The following SMIM35 variants were observed in gnomAD, a reference collection of about 807,000 sequenced individuals.
The protein encoded by SMIM35 is small integral membrane protein 35.
intron 1 of SMIM35, among the ~76,000 whole-genome samples, chr11:118,016,855 C>A (rs923367142): frequency 1.3e-5 from 2 of 152,160 alleles, no homozygotes; most frequent in African/African-American, 2.4e-5. Flanking sequence ...TAAATTATAT[C>A]ATTATTGTTG....
intron 1 of SMIM35, chr11:118,028,858 A>G (rs678202): frequency 0.12 from 55,741 of 449,322 alleles, 3,675 homozygotes; most frequent in Admixed American, 0.16. Context: ...AGGAGGAGGA[A>G]GAAGAAGAAA....
chr11:118,008,627 A>G (rs962021199), intron 4 of SMIM35, among the ~76,000 whole-genome samples: 2 of 152,240 alleles, frequency 1.3e-5, no homozygotes, highest in African/African-American at 4.8e-5. Flanking sequence ...CATGAGCACA[A>G]GGTTGAATGT....
chr11:118,079,700 G>A (rs567332760), intron 1 of SMIM35, among the ~76,000 whole-genome samples: 5 of 152,026 alleles, frequency 3.3e-5, no homozygotes, highest in Middle Eastern at 3.4e-3. Flanking sequence ...CCTGTTTTCC[G>A]TGCCAGCCTG....
At chr11:118,012,796 T>C (rs1252927790) in intron 4 of SMIM35, among the ~76,000 whole-genome samples, 2 of 152,178 alleles carry the variant, frequency 1.3e-5, no homozygotes, top group Non-Finnish European at 2.9e-5. Flanking sequence ...GTGGGAATGT[T>C]AAAACCATGT....
At position 118,075,330 on chromosome 11, in the gene SMIM35, T is replaced by C. The variant is rs1440744038; in HGVS notation, c.7+11421A>G. On this transcript the variant is annotated intron_variant, in intron 1 of 4. Transcript: ENST00000689828. ...CAGAGCCCTGCAGGCCAGCTTCAGA[T>C]CTCTGCTGCTCAGAGACAAGTCCAA... 2.0e-5 allele frequency among the ~76,000 whole-genome samples: 3 copies of C among 152,228 alleles called. No individual in the cohort carries two copies. In the East Asian group the frequency reaches 5.8e-4, roughly 29 times the overall value.
chr11:118,058,140 T>C (rs1259628143), intron 1 of SMIM35, among the ~76,000 whole-genome samples: 1 of 152,166 alleles, frequency 6.6e-6, no homozygotes, highest in Non-Finnish European at 1.5e-5. Flanking sequence ...TTTAAAAATT[T>C]GTCTCAGGTC....
intron 1 of SMIM35, among the ~76,000 whole-genome samples, chr11:118,083,887 A>G (rs1296180380): frequency 6.6e-6 from 1 of 152,088 alleles, no homozygotes; most frequent in Non-Finnish European, 1.5e-5. Context: ...AGTACAAAAA[A>G]TTAGCTGGGC....
At chr11:118,066,677 A>C (rs191246005) in intron 1 of SMIM35, among the ~76,000 whole-genome samples, 2 of 152,226 alleles carry the variant, frequency 1.3e-5, no homozygotes, top group East Asian at 3.9e-4. Context: ...ACTATACTTC[A>C]AATTATCTTA....
intron 4 of SMIM35, 128 bp downstream of exon 4, chr11:118,013,620 C>T: frequency 2.6e-6 from 1 of 390,524 alleles, no homozygotes. Flanking sequence ...CACCAGAAGA[C>T]AGGGGATGAA....
intron 1 of SMIM35, among the ~76,000 whole-genome samples, chr11:118,054,013 A>G (rs1163778520): frequency 6.6e-6 from 1 of 152,018 alleles, no homozygotes; most frequent in Non-Finnish European, 1.5e-5. Context: ...CTTTTTCACT[A>G]TTTTAAATTT....
intron 1 of SMIM35, among the ~76,000 whole-genome samples, chr11:118,016,977 G>A (rs1368124694): frequency 6.6e-6 from 1 of 152,108 alleles, no homozygotes; most frequent in Non-Finnish European, 1.5e-5. Flanking sequence ...CCTCTCACTA[G>A]CAACCAGGTT....
intron 1 of SMIM35, among the ~76,000 whole-genome samples, chr11:118,027,378 GC>G (rs1468789534): frequency 6.6e-6 from 1 of 151,300 alleles, no homozygotes; most frequent in African/African-American, 2.4e-5. Context: ...CATTATTATT[GC>G]CCATCATTTT....
chr11:118,027,785 C>CA (rs1375976976), intron 1 of SMIM35, among the ~76,000 whole-genome samples: 1 of 152,190 alleles, frequency 6.6e-6, no homozygotes, highest in Non-Finnish European at 1.5e-5. Flanking sequence ...AGTTTCAGAC[C>CA]ACAAAGGTGT....
At chr11:118,049,594 C>T (rs908444681) in intron 1 of SMIM35, among the ~76,000 whole-genome samples, 2 of 152,030 alleles carry the variant, frequency 1.3e-5, no homozygotes, top group South Asian at 2.1e-4. Flanking sequence ...GGTGACCCAC[C>T]CACCTCGGCC....
intron 1 of SMIM35, chr11:118,077,248 G>A: frequency 6.3e-7 from 1 of 1,584,186 alleles, no homozygotes; most frequent in Non-Finnish European, 8.6e-7. Context: ...TGCTGCCTTG[G>A]GGTGACAATC....
chr11:118,049,918 G>A (rs921109527), intron 1 of SMIM35, among the ~76,000 whole-genome samples: 1 of 152,110 alleles, frequency 6.6e-6, no homozygotes, highest in East Asian at 1.9e-4. Context: ...TCAGGGAGGT[G>A]TTGTGGAGAC....
intron 1 of SMIM35, among the ~76,000 whole-genome samples, chr11:118,082,880 AC>A (rs1211267570): frequency 6.6e-6 from 1 of 152,148 alleles, no homozygotes; most frequent in Admixed American, 6.5e-5. Flanking sequence ...CTAAGGAAAA[AC>A]CTTAGAGGTC....
At chr11:118,069,781 G>A (rs183209903) in intron 1 of SMIM35, among the ~76,000 whole-genome samples, 70 of 152,296 alleles carry the variant, frequency 4.6e-4, no homozygotes, top group African/African-American at 1.5e-3. Context: ...TTCATACAAG[G>A]CCAGGCGCGG....
At chr11:118,050,636 C>T (rs1359939111) in intron 1 of SMIM35, among the ~76,000 whole-genome samples, 1 of 152,258 alleles carries the variant, frequency 6.6e-6, no homozygotes, top group Non-Finnish European at 1.5e-5. Context: ...CCATTTCACT[C>T]ACTCTTCTAG....
Sources: allele counts gnomAD v4.1 joint callset (sites outside exome capture counted in the v4.1 genomes callset), GRCh38; gene constraint gnomAD v4.1.1; transcripts MANE v1.5; gene names NCBI Gene and HGNC (gene_info 2026-07-23, HGNC 2026-07-21).